The following ZNF678 variants were observed in gnomAD, a reference collection of about 807,000 sequenced individuals.
ZNF678 encodes hypothetical protein MGC42493.
In ZNF678, 5 loss-of-function variants were observed where a neutral mutation model predicts 3.0. The ratio of observed to expected loss-of-function variants is 1.69; its 90% CI spans 0.88 to 3.56. The LOEUF (loss-of-function observed/expected upper bound fraction) is 3.56. ZNF678 is among the 30% of genes most tolerant of loss of function. The probability of loss-of-function intolerance (pLI) is 0.00; values close to 1 mark genes in which losing one functional copy is unlikely to be tolerated. For synonymous variants in ZNF678, 218 were observed against 199.6 expected, an observed-to-expected ratio of 1.09 and a Z score of -0.78; for missense variants, 593 against 605.0, an observed-to-expected ratio of 0.98 and a Z score of 0.21.
At chr1:227,639,543 G>A (rs1658765982) in intron 1 of ZNF678, among the ~76,000 whole-genome samples, 1 of 152,146 alleles carries the variant, frequency 6.6e-6, no homozygotes, top group Admixed American at 6.5e-5. Context: ...ATTTTCTCAT[G>A]GCTTCAGTTA....
chr1:227,574,940 G>A (rs536174744), intron 1 of ZNF678, among the ~76,000 whole-genome samples: 1 of 142,860 alleles, frequency 7.0e-6, no homozygotes, highest in African/African-American at 2.7e-5. Context: ...TGCTTATGGG[G>A]TTTTTTGTTG....
At chr1:227,596,923 C>T (rs1170108609) in intron 1 of ZNF678, among the ~76,000 whole-genome samples, 2 of 152,042 alleles carry the variant, frequency 1.3e-5, no homozygotes, top group Admixed American at 1.3e-4. Context: ...ACACAAAGTC[C>T]AAATTCAACA....
At chr1:227,679,510 C>T (rs1015894417), downstream of ZNF678, among the ~76,000 whole-genome samples, 2 of 151,214 alleles carry the variant, frequency 1.3e-5, no homozygotes, top group Admixed American at 6.6e-5. Flanking sequence ...CCCCCACTCA[C>T]GTACCCCCTG....
chr1:227,596,849 T>C (rs570936876), intron 1 of ZNF678, among the ~76,000 whole-genome samples: 1 of 152,222 alleles, frequency 6.6e-6, no homozygotes, highest in South Asian at 2.1e-4. Context: ...GACAACAGGC[T>C]GAATAAATAG....
chr1:227,578,354 C>T (rs1657039672), intron 1 of ZNF678, among the ~76,000 whole-genome samples: 1 of 152,176 alleles, frequency 6.6e-6, no homozygotes, highest in Admixed American at 6.5e-5. Flanking sequence ...TTCATTCTCC[C>T]CATTTCCTTC....
chr1:227,576,482 T>G (rs1189513951), intron 1 of ZNF678, among the ~76,000 whole-genome samples: 2 of 152,154 alleles, frequency 1.3e-5, no homozygotes, highest in South Asian at 2.1e-4. Flanking sequence ...AGGGTGTGTG[T>G]GTCCAGGAAT....
chr1:227,669,643 T>G (rs1659567310), intron 5 of ZNF678, among the ~76,000 whole-genome samples: 1 of 83,788 alleles, frequency 1.2e-5, no homozygotes, highest in Admixed American at 1.3e-4. Flanking sequence ...AGCGAGACCG[T>G]CTCAAAAAAA....
chr1:227,643,957 G>A (rs535385865), intron 1 of ZNF678, among the ~76,000 whole-genome samples: 5 of 148,476 alleles, frequency 3.4e-5, no homozygotes, highest in African/African-American at 7.5e-5. Flanking sequence ...CCCGCCCTCC[G>A]GGTTCAAGTG....
intron 1 of ZNF678, among the ~76,000 whole-genome samples, chr1:227,567,746 T>G (rs1656731574): frequency 6.6e-6 from 1 of 152,130 alleles, no homozygotes; most frequent in South Asian, 2.1e-4. Flanking sequence ...TTTTTCTTTA[T>G]TTTCCATTGT....
chr1:227,672,342 A>T (rs1659615793), intron 5 of ZNF678, among the ~76,000 whole-genome samples: 1 of 152,130 alleles, frequency 6.6e-6, no homozygotes, highest in Non-Finnish European at 1.5e-5. Flanking sequence ...TAGAAAGGAT[A>T]TGAGGTAGAA....
At chr1:227,600,105 C>G (rs950550948) in intron 1 of ZNF678, among the ~76,000 whole-genome samples, 1 of 152,118 alleles carries the variant, frequency 6.6e-6, no homozygotes, top group Non-Finnish European at 1.5e-5. Flanking sequence ...TAATGGCCTC[C>G]CACTCCACCC....
Position 227,628,578 on chromosome 1 carries a change from C to T in ZNF678, c.-163-17966C>T, listed in dbSNP as rs182021591. On this transcript the variant is annotated intron_variant, in intron 1 of 3. Transcript: ENST00000343776. ...AGGATAAGCCAGTATAGGCTGGATA[C>T]GTTCCTCACTGAGGGCCCTGGTGCC... Among the ~76,000 whole-genome samples the T allele has an allele frequency of 2.2e-4, 33 of 152,334 alleles. No individual in the cohort carries two copies. The East Asian group carries it at 3.9e-3, about 18-fold the overall frequency.
chr1:227,566,879 A>G (rs935328150), intron 1 of ZNF678, among the ~76,000 whole-genome samples: 1 of 145,046 alleles, frequency 6.9e-6, no homozygotes, highest in African/African-American at 2.5e-5. Flanking sequence ...GGTGATTTCA[A>G]ACAGAATCTC....
intron 2 of ZNF678, among the ~76,000 whole-genome samples, chr1:227,650,277 T>C (rs2102800856): frequency 6.6e-6 from 1 of 152,308 alleles, no homozygotes; most frequent in Non-Finnish European, 1.5e-5. Context: ...TTTTGTGCAT[T>C]GTGTATTCTT....
At chr1:227,627,877 G>A (rs1658455404) in intron 1 of ZNF678, among the ~76,000 whole-genome samples, 1 of 152,178 alleles carries the variant, frequency 6.6e-6, no homozygotes, top group Non-Finnish European at 1.5e-5. Flanking sequence ...ATCCGTCAAG[G>A]GAACCTCTAG....
chr1:227,637,120 A>G (rs1206279351), intron 1 of ZNF678, among the ~76,000 whole-genome samples: 1 of 152,140 alleles, frequency 6.6e-6, no homozygotes, highest in Admixed American at 6.5e-5. Context: ...TTTACAAACC[A>G]AGTAGAGGAG....
intron 1 of ZNF678, among the ~76,000 whole-genome samples, chr1:227,567,922 G>T (rs1656738109): frequency 6.6e-6 from 1 of 152,076 alleles, no homozygotes; most frequent in African/African-American, 2.4e-5. Flanking sequence ...GAAATGTTAG[G>T]CAGAAAAGGG....
intron 5 of ZNF678, among the ~76,000 whole-genome samples, chr1:227,675,218 GAACTTTCTCACTCCC>G (rs1186006395): frequency 2.0e-5 from 3 of 152,082 alleles, no homozygotes; most frequent in African/African-American, 7.2e-5. Flanking sequence ...ATGCACCAGA[GAACTTTCTCACTCCC>G]CTCCACTCCT....
At chr1:227,651,142 G>GGATATACCT (rs1299366494) in intron 3 of ZNF678, 66 bp downstream of exon 3, 29 of 1,561,056 alleles carry the variant, frequency 1.9e-5, no homozygotes, top group South Asian at 3.5e-5. Context: ...AGTAGAGAGG[G>GGATATACCT]GATATACCTG....
Sources: allele counts gnomAD v4.1 joint callset (sites outside exome capture counted in the v4.1 genomes callset), GRCh38; gene constraint gnomAD v4.1.1; transcripts MANE v1.5; gene names NCBI Gene and HGNC (gene_info 2026-07-23, HGNC 2026-07-21).